The following SHANK2 variants were observed in gnomAD, a reference collection of about 807,000 sequenced individuals.
The protein encoded by SHANK2 is SH3 and multiple ankyrin repeat domains protein 2.
A neutral mutation model predicts 133.7 loss-of-function variants in SHANK2; 43 were observed. That is an observed-to-expected ratio of 0.32 (90% confidence interval 0.25 to 0.41). SHANK2 has a LOEUF of 0.41. Among genes scored for constraint, SHANK2 ranks in the 10% least tolerant of loss-of-function variants. SHANK2 has a pLI of 1.00. For synonymous variants in SHANK2, 1,017 were observed against 952.8 expected (o/e 1.07, Z -1.24); for missense variants, 1,994 against 2,235.8 (o/e 0.89, Z 2.18).
intron 14 of SHANK2, among the ~76,000 whole-genome samples, chr11:70,748,008 T>C (rs980799703): frequency 4.6e-5 from 7 of 152,214 alleles, no homozygotes; most frequent in African/African-American, 1.7e-4. Flanking sequence ...ACTGCACTGC[T>C]ATATGGAACA....
intron 11 of SHANK2, among the ~76,000 whole-genome samples, chr11:70,885,762 T>A (rs1299472688): frequency 6.6e-6 from 1 of 152,162 alleles, no homozygotes; most frequent in Non-Finnish European, 1.5e-5. Context: ...ACAAGACGGC[T>A]GATCCTCCAG....
At chr11:71,112,748 G>A (rs560515007) in intron 5 of SHANK2, among the ~76,000 whole-genome samples, 22 of 152,194 alleles carry the variant, frequency 1.4e-4, no homozygotes, top group African/African-American at 4.3e-4. Context: ...TCCTCGACTC[G>A]CACAGCACCC....
At chr11:71,088,989 C>G (rs1466746905) in intron 8 of SHANK2, among the ~76,000 whole-genome samples, 1 of 151,530 alleles carries the variant, frequency 6.6e-6, no homozygotes, top group Admixed American at 6.6e-5. Flanking sequence ...TCATCCTGAA[C>G]TTGACCTTGT....
At chr11:71,223,854 G>T (rs1954597891) in intron 2 of SHANK2, among the ~76,000 whole-genome samples, 1 of 152,166 alleles carries the variant, frequency 6.6e-6, no homozygotes. Flanking sequence ...CCACTCATCT[G>T]TCTGCAGCCA....
At position 70,804,276 on chromosome 11, in the gene SHANK2, C is replaced by T. The variant is rs1394967448; in HGVS notation, c.1663+2726G>A. On this transcript the variant is annotated intron_variant, in intron 13 of 25. Transcript: ENST00000601538. This position sits in a 1 kb window ranked among gnomAD's most constrained non-coding sequence, Gnocchi z 4.1. Reference sequence around the variant, plus strand: ...TCGACCCGCCCGCCTCTAAGCACTGCCATGCAGGCAGCAAGGATGTGCGGG... The same window carrying T: ...TCGACCCGCCCGCCTCTAAGCACTGTCATGCAGGCAGCAAGGATGTGCGGG... 1.3e-5 allele frequency among the ~76,000 whole-genome samples: 2 copies of T among 152,178 alleles called. No individual in the cohort carries two copies. Among genetic ancestry groups the T allele is most frequent in the East Asian group, 1.9e-4 (1 of 5,172 alleles).
At chr11:70,491,565 T>C (rs528321361) in intron 22 of SHANK2, among the ~76,000 whole-genome samples, 12 of 152,380 alleles carry the variant, frequency 7.9e-5, no homozygotes, top group African/African-American at 2.6e-4. Context: ...ATAGGTGTTA[T>C]TGTTCAAGAA....
intron 14 of SHANK2, among the ~76,000 whole-genome samples, chr11:70,792,199 C>CCAAT (rs1308084090): frequency 1.3e-5 from 2 of 152,060 alleles, no homozygotes; most frequent in East Asian, 1.9e-4. Context: ...AGCTAATCAA[C>CCAAT]CAACCAACCA....
chr11:70,496,044 G>A (rs2058965468), intron 21 of SHANK2, among the ~76,000 whole-genome samples: 4 of 152,186 alleles, frequency 2.6e-5, no homozygotes, highest in Admixed American at 2.0e-4. Context: ...GCGGAGGTGA[G>A]GGAAAGTCAT....
intron 17 of SHANK2, among the ~76,000 whole-genome samples, chr11:70,534,464 A>G (rs1554973830): frequency 1.3e-5 from 2 of 152,184 alleles, no homozygotes; most frequent in African/African-American, 4.8e-5. Flanking sequence ...GATGCAGCCA[A>G]ACCATATCAG....
At chr11:70,773,919 A>C (rs1555043389) in intron 14 of SHANK2, among the ~76,000 whole-genome samples, 1 of 152,240 alleles carries the variant, frequency 6.6e-6, no homozygotes, top group Non-Finnish European at 1.5e-5. Context: ...ACAGTCTAGC[A>C]GTGCCTCAAA....
At chr11:70,738,008 G>A (rs1003659871) in intron 14 of SHANK2, among the ~76,000 whole-genome samples, 3 of 152,386 alleles carry the variant, frequency 2.0e-5, no homozygotes, top group Admixed American at 1.3e-4. Context: ...GCCAGGAGCC[G>A]GGTGCCGGGC....
At chr11:71,240,514 G>A (rs1565532714) in intron 1 of SHANK2, among the ~76,000 whole-genome samples, 2 of 152,158 alleles carry the variant, frequency 1.3e-5, no homozygotes, top group Non-Finnish European at 1.5e-5. Flanking sequence ...CAGGCCAGGG[G>A]GCCAAGCAAG....
At chr11:70,522,982 C>G (rs1554971363) in intron 17 of SHANK2, among the ~76,000 whole-genome samples, 1 of 152,232 alleles carries the variant, frequency 6.6e-6, no homozygotes, top group Admixed American at 6.5e-5. Context: ...AATCCACACC[C>G]TCTTTGAAAA....
chr11:70,954,482 T>C (rs1293130905), intron 10 of SHANK2, among the ~76,000 whole-genome samples: 1 of 152,190 alleles, frequency 6.6e-6, no homozygotes, highest in Non-Finnish European at 1.5e-5. Context: ...AATTGCTAAA[T>C]GTGGGAACTC....
intron 13 of SHANK2, among the ~76,000 whole-genome samples, chr11:70,803,810 TAAAA>T (rs553608014): frequency 7.7e-6 from 1 of 130,390 alleles, no homozygotes; most frequent in Non-Finnish European, 1.7e-5. Context: ...GCCCTTGAAT[TAAAA>T]AAAAAAAAAA....
At chr11:70,952,320 G>C (rs1241987785) in intron 10 of SHANK2, among the ~76,000 whole-genome samples, 1 of 152,198 alleles carries the variant, frequency 6.6e-6, no homozygotes, top group African/African-American at 2.4e-5. Flanking sequence ...ACCAGGAATA[G>C]AATTCTGGAA....
At chr11:70,938,979 C>T (rs1950607452) in intron 10 of SHANK2, among the ~76,000 whole-genome samples, 1 of 152,058 alleles carries the variant, frequency 6.6e-6, no homozygotes, top group African/African-American at 2.4e-5. Context: ...AAGCTGGTGG[C>T]TAATCCAGGA....
chr11:70,528,877 C>T (rs1379025475), intron 17 of SHANK2, among the ~76,000 whole-genome samples: 1 of 152,138 alleles, frequency 6.6e-6, no homozygotes, highest in Admixed American at 6.5e-5. Context: ...AGGGTCCCCA[C>T]ACCCGCCTCT....
chr11:70,590,285 C>T (rs2060304887), intron 17 of SHANK2, among the ~76,000 whole-genome samples: 1 of 152,204 alleles, frequency 6.6e-6, no homozygotes, highest in African/African-American at 2.4e-5. Flanking sequence ...AAAGTGATTT[C>T]TCGAGATGGA....
Sources: allele counts gnomAD v4.1 joint callset (sites outside exome capture counted in the v4.1 genomes callset), GRCh38; gene constraint gnomAD v4.1.1; non-coding constraint Gnocchi (gnomAD v3.1); transcripts MANE v1.5; gene names NCBI Gene and HGNC (gene_info 2026-07-23, HGNC 2026-07-21).